Variants in TMEM178B observed in about 807,000 individuals in gnomAD.
The protein encoded by TMEM178B is transmembrane protein 178B.
A neutral mutation model predicts 31.0 loss-of-function variants in TMEM178B; 5 were observed. The ratio of observed to expected loss-of-function variants is 0.16; its 90% confidence interval spans 0.08 to 0.34. The LOEUF (loss-of-function observed/expected upper bound fraction) is 0.34, where lower values mean the gene tolerates loss of function less well. Ranked by LOEUF, TMEM178B falls within the 10% of genes least tolerant of loss-of-function variation. The pLI is 1.00. For missense variants in TMEM178B, 275 were observed against 400.3 expected (o/e 0.69, Z 2.67); for synonymous variants, 164 against 164.0 (o/e 1.00, Z 0.00).
intron 2 of TMEM178B, among the ~76,000 whole-genome samples, chr7:141,434,466 T>C (rs1194021128): frequency 6.6e-6 from 1 of 152,238 alleles, no homozygotes; most frequent in Non-Finnish European, 1.5e-5. Context: ...ATGAATGTGC[T>C]GACCGTTTAT....
At chr7:141,244,101 G>A (rs182585461) in intron 2 of TMEM178B, among the ~76,000 whole-genome samples, 60 of 152,194 alleles carry the variant, frequency 3.9e-4, no homozygotes, top group Admixed American at 7.8e-4. Flanking sequence ...ATATTTTTAG[G>A]CTGTTATTTT....
At chr7:141,210,523 C>T (rs192772537) in intron 1 of TMEM178B, among the ~76,000 whole-genome samples, 67 of 152,164 alleles carry the variant, frequency 4.4e-4, no homozygotes, top group African/African-American at 1.6e-3. Flanking sequence ...CTTAATGTGG[C>T]TGTAGAATGG....
At chr7:141,210,706 C>T (rs1033935922) in intron 1 of TMEM178B, among the ~76,000 whole-genome samples, 2 of 152,084 alleles carry the variant, frequency 1.3e-5, no homozygotes, top group Middle Eastern at 3.2e-3. Context: ...GCCTTGTAAA[C>T]ATCTTCTGTG....
chr7:141,448,604 G>A (rs1053519023), intron 3 of TMEM178B, among the ~76,000 whole-genome samples: 1 of 152,178 alleles, frequency 6.6e-6, no homozygotes, highest in African/African-American at 2.4e-5. Context: ...TGTTCCTGTA[G>A]ACAGTAAGGT....
intron 1 of TMEM178B, among the ~76,000 whole-genome samples, chr7:141,088,508 G>T (rs1168549431): frequency 6.6e-6 from 1 of 152,100 alleles, no homozygotes; most frequent in Non-Finnish European, 1.5e-5. Flanking sequence ...TCCTGGATCA[G>T]TCTCAGCCAC....
At chr7:141,365,603 G>A (rs1391475255) in intron 2 of TMEM178B, among the ~76,000 whole-genome samples, 1 of 152,212 alleles carries the variant, frequency 6.6e-6, no homozygotes, top group Non-Finnish European at 1.5e-5. Flanking sequence ...GTTTTCAGTG[G>A]AAGATAAATG....
chr7:141,279,420 T>C (rs1798317471), intron 2 of TMEM178B, among the ~76,000 whole-genome samples: 1 of 152,222 alleles, frequency 6.6e-6, no homozygotes, highest in Admixed American at 6.5e-5. Flanking sequence ...CTGGCACTCC[T>C]TTTATGAGAG....
chr7:141,381,364 G>A (rs1047365073), intron 2 of TMEM178B, among the ~76,000 whole-genome samples: 3 of 152,186 alleles, frequency 2.0e-5, no homozygotes, highest in Non-Finnish European at 1.5e-5. Flanking sequence ...AGTAGTAGAA[G>A]AAGTAATTTC....
intron 2 of TMEM178B, among the ~76,000 whole-genome samples, chr7:141,356,317 G>A (rs920385312): frequency 2.0e-5 from 3 of 151,778 alleles, no homozygotes; most frequent in South Asian, 2.1e-4. Flanking sequence ...GTGACTGAAC[G>A]AGTTTACATT....
At chr7:141,480,586 T>C (rs1802457004), downstream of TMEM178B, among the ~76,000 whole-genome samples, 1 of 152,264 alleles carries the variant, frequency 6.6e-6, no homozygotes, top group South Asian at 2.1e-4. Context: ...CTTCGCATGT[T>C]GGGTGGAAGG....
chr7:141,507,316 C>G, the TMEM178B span, among the ~76,000 whole-genome samples: 1 of 152,212 alleles, frequency 6.6e-6, no homozygotes, highest in Non-Finnish European at 1.5e-5. Context: ...CTGCAACAAA[C>G]TTTCACTTGG....
chr7:141,089,742 G>C (rs1307783745), intron 1 of TMEM178B, among the ~76,000 whole-genome samples: 1 of 152,012 alleles, frequency 6.6e-6, no homozygotes, highest in Admixed American at 6.6e-5. Context: ...CCATCATTCT[G>C]AGCAAACTAT....
rs751951929 is a variant in TMEM178B at position 141,207,944 on chromosome 7, A to G, written c.383-4647A>G. On this transcript the variant is annotated intron_variant, in intron 1 of 3. Transcript: ENST00000565468. ...GTGGCTTGTGCCTATAATCCCAGCAATTTAGGAGACTGAGGTGGGCAGATC... is the reference window on the plus strand; with the variant it reads ...GTGGCTTGTGCCTATAATCCCAGCAGTTTAGGAGACTGAGGTGGGCAGATC... 2.6e-4 allele frequency among the ~76,000 whole-genome samples: 39 copies of G among 152,108 alleles called. 1 individual carries two copies. Among genetic ancestry groups the G allele is most frequent in the Non-Finnish European group, 5.7e-4 (39 of 68,010 alleles).
At chr7:141,218,739 T>C (rs985558477) in intron 2 of TMEM178B, among the ~76,000 whole-genome samples, 15 of 152,130 alleles carry the variant, frequency 9.9e-5, no homozygotes, top group African/African-American at 3.1e-4. Flanking sequence ...CCAGGGTCCC[T>C]GGTGCTGTCT....
chr7:141,392,542 A>T (rs1046145835), intron 2 of TMEM178B, among the ~76,000 whole-genome samples: 1 of 152,182 alleles, frequency 6.6e-6, no homozygotes, highest in Admixed American at 6.5e-5. Context: ...CTACATAGCC[A>T]CATTGCCATG....
chr7:141,381,347 TC>T (rs1800311439), intron 2 of TMEM178B, among the ~76,000 whole-genome samples: 1 of 152,238 alleles, frequency 6.6e-6, no homozygotes, highest in Admixed American at 6.5e-5. Flanking sequence ...GTAGACTCTT[TC>T]CCTGTAGTAG....
chr7:141,382,731 A>G (rs1226838384), intron 2 of TMEM178B, among the ~76,000 whole-genome samples: 1 of 152,216 alleles, frequency 6.6e-6, no homozygotes, highest in African/African-American at 2.4e-5. Context: ...ATATATATGT[A>G]ATGACAAAGA....
chr7:141,347,010 G>A (rs1375475784), intron 2 of TMEM178B, among the ~76,000 whole-genome samples: 2 of 152,038 alleles, frequency 1.3e-5, no homozygotes, highest in South Asian at 2.1e-4. Flanking sequence ...TTTAAGTGTG[G>A]TGCCTCCCCC....
chr7:141,214,241 T>G (rs1237263671), intron 2 of TMEM178B, among the ~76,000 whole-genome samples: 1 of 152,224 alleles, frequency 6.6e-6, no homozygotes, highest in Non-Finnish European at 1.5e-5. Flanking sequence ...AAATCTAACT[T>G]AAGTTATGGG....
Sources: gnomAD v4.1 joint callset for allele counts (sites outside exome capture counted in the v4.1 genomes callset) on GRCh38, gnomAD v4.1.1 for gene constraint, MANE v1.5 for transcripts, NCBI Gene and HGNC (gene_info 2026-07-23, HGNC 2026-07-21) for gene names.